Variants in PTPRQ observed in about 807,000 individuals in gnomAD.
PTPRQ encodes the protein protein tyrosine phosphatase receptor type Q, also known as phosphatidylinositol phosphatase PTPRQ.
PTPRQ carries 199 observed loss-of-function variants against 246.0 expected under a neutral mutation model. The ratio of observed to expected loss-of-function variants is 0.81; its 90% CI spans 0.72 to 0.91. The LOEUF (loss-of-function observed/expected upper bound fraction) is 0.91. PTPRQ is among the 40% of genes least tolerant of loss of function. The pLI, the probability that PTPRQ is intolerant of heterozygous loss-of-function variation, is 0.00. For synonymous variants in PTPRQ, 869 were observed against 853.2 expected, an observed-to-expected ratio of 1.02 and a Z score of -0.32; for missense variants, 2,624 against 2,528.4, an observed-to-expected ratio of 1.04 and a Z score of -0.81.
At chr12:80,654,602 C>T (rs376821343) in intron 38 of PTPRQ, among the ~76,000 whole-genome samples, 1 of 150,992 alleles carries the variant, frequency 6.6e-6, no homozygotes, top group African/African-American at 2.4e-5. Context: ...AATCCCAGCA[C>T]GTTGGGAGGC....
At chr12:80,483,967 T>C (rs1203930439) in intron 8 of PTPRQ, among the ~76,000 whole-genome samples, 1 of 146,546 alleles carries the variant, frequency 6.8e-6, no homozygotes, top group African/African-American at 2.6e-5. Context: ...TGTTTTTGTC[T>C]ATTTTCTTTC....
chr12:80,559,121 C>G (rs190818560), intron 25 of PTPRQ, among the ~76,000 whole-genome samples: 1 of 151,966 alleles, frequency 6.6e-6, no homozygotes. Flanking sequence ...CTCAGCTCAC[C>G]GGAACCTCCG....
intron 33 of PTPRQ, among the ~76,000 whole-genome samples, chr12:80,624,336 T>A (rs182258489): frequency 1.7e-3 from 255 of 152,310 alleles, no homozygotes; most frequent in African/African-American, 5.9e-3. Flanking sequence ...GTGTATTTTT[T>A]GTAGACCAGT....
intron 25 of PTPRQ, chr12:80,561,029 G>C (rs1250932211): frequency 6.5e-6 from 1 of 153,792 alleles, no homozygotes; most frequent in Non-Finnish European, 1.5e-5. Context: ...ATTGCTGGTT[G>C]GCCCTCTGCC....
chr12:80,467,269 C>T (rs1201450833), intron 6 of PTPRQ, among the ~76,000 whole-genome samples: 2 of 152,126 alleles, frequency 1.3e-5, no homozygotes, highest in East Asian at 1.9e-4. Context: ...CTCACCATCA[C>T]TGGCCATCAG....
intron 25 of PTPRQ, among the ~76,000 whole-genome samples, chr12:80,555,977 A>C (rs1458644374): frequency 6.6e-6 from 1 of 152,198 alleles, no homozygotes; most frequent in Non-Finnish European, 1.5e-5. Context: ...AACATATTTA[A>C]TATGTATAAA....
At chr12:80,473,302 A>C (rs1310117742) in intron 8 of PTPRQ, among the ~76,000 whole-genome samples, 1 of 152,160 alleles carries the variant, frequency 6.6e-6, no homozygotes, top group African/African-American at 2.4e-5. Flanking sequence ...TTTGTATTAA[A>C]ATTTTACCTT....
At chr12:80,653,802 G>A (rs1390301825) in intron 38 of PTPRQ, among the ~76,000 whole-genome samples, 1 of 152,076 alleles carries the variant, frequency 6.6e-6, no homozygotes, top group Non-Finnish European at 1.5e-5. Flanking sequence ...TGAAGTTCAC[G>A]AAGGAAACAA....
chr12:80,588,566 C>T lies in PTPRQ; in HGVS notation c.4609+114C>T. The T allele has an allele frequency of 4.4e-6, 5 of 1,129,638 alleles. No individual in the cohort carries two copies. In the South Asian group the frequency reaches 1.5e-4, roughly 33 times the overall value. The allele number at this position is 1,129,638 out of a possible 1,614,324, so 70.0% of individuals were successfully genotyped here. A position where few individuals can be genotyped will look rare whatever the true frequency, so the allele number is the denominator to read the frequency against. ...GTAAAATCACTGAACATAGAAATAACTGAGGACACTACCATATATAACGAC... is the reference window on the plus strand; with the variant it reads ...GTAAAATCACTGAACATAGAAATAATTGAGGACACTACCATATATAACGAC... On this transcript the variant is annotated intron_variant, in intron 26 of 44. Transcript: ENST00000644991.
At position 80,673,190 on chromosome 12, in the gene PTPRQ, A is replaced by C; in HGVS notation, c.6624A>C (p.Gly2208=). 1 of 1,550,840 alleles carries C rather than the reference A, an allele frequency of 6.4e-7. No homozygotes were observed. Among genetic ancestry groups the C allele is most frequent in the Non-Finnish European group, 8.7e-7 (1 of 1,146,352 alleles). ...GTAGTGCTGGAGTTGGAAGAACTGG[A>C]GTTTTTATTGCTCTGGACCATTTAA... is the stretch of plus-strand genomic sequence containing the variant. ...VHCSAGVGRT[G]VFIALDHLTQ... Residue 2208 remains glycine, a synonymous_variant, in exon 43 of 45, where the codon GGA becomes GGC. Coordinates refer to ENST00000644991, the MANE Select transcript of PTPRQ (RefSeq NM_001145026.2).
At chr12:80,628,360 A>G (rs1899285023) in intron 33 of PTPRQ, among the ~76,000 whole-genome samples, 1 of 152,176 alleles carries the variant, frequency 6.6e-6, no homozygotes, top group Non-Finnish European at 1.5e-5. Flanking sequence ...ACTCTTTTAT[A>G]TTGGTAACAT....
chr12:80,562,987 T>C (rs1896872714), intron 25 of PTPRQ, among the ~76,000 whole-genome samples: 1 of 152,114 alleles, frequency 6.6e-6, no homozygotes, highest in Non-Finnish European at 1.5e-5. Context: ...TTAAATTTTA[T>C]ATATGAGATG....
chr12:80,530,110 C>G (rs1359440792), intron 17 of PTPRQ, among the ~76,000 whole-genome samples: 2 of 152,174 alleles, frequency 1.3e-5, no homozygotes, highest in Non-Finnish European at 2.9e-5. Context: ...CCTCCCTCAA[C>G]TCCCTATCCT....
chr12:80,449,786 G>C (rs1196592250), intron 3 of PTPRQ, among the ~76,000 whole-genome samples: 1 of 152,182 alleles, frequency 6.6e-6, no homozygotes, highest in African/African-American at 2.4e-5. Flanking sequence ...TAGCCTTATA[G>C]TATAGTTTAA....
chr12:80,458,382 T>C (rs1893043198), intron 4 of PTPRQ, among the ~76,000 whole-genome samples: 1 of 152,124 alleles, frequency 6.6e-6, no homozygotes, highest in Non-Finnish European at 1.5e-5. Context: ...ATTCCTACCT[T>C]ATATCATTCA....
At chr12:80,548,168 G>A (rs1025869265) in intron 24 of PTPRQ, among the ~76,000 whole-genome samples, 2 of 151,930 alleles carry the variant, frequency 1.3e-5, no homozygotes, top group African/African-American at 2.4e-5. Context: ...AGATAAAATT[G>A]TACCCCAACA....
In PTPRQ at chr12:80,588,130, T is replaced by G. The variant is rs537753247; in HGVS notation, c.4287T>G (p.Val1429=). 9.4e-5 allele frequency: 143 copies of G among 1,513,934 alleles called. No homozygotes were observed. In the African/African-American group the frequency reaches 1.9e-3, roughly 20 times the overall value. 93.8% of individuals were successfully genotyped at this position (1,513,934 alleles called of 1,614,324 possible). A position where few individuals can be genotyped will look rare whatever the true frequency, so the allele number is the denominator to read the frequency against. Residue 1429 remains valine, a splice_region_variant and synonymous_variant, in exon 26 of 45, where the codon GTT becomes GTG. Coordinates refer to ENST00000644991, the MANE Select transcript of PTPRQ (RefSeq NM_001145026.2). The part of the protein sequence containing the change: ...TCHVSTLPET[V]PSVPTNIAFS... Reference sequence around the variant, plus strand: ...TTAATTTTTCCCTTTAATTTTTAGTTCCCAGTGTTCCCACAAATATTGCTT... The same window carrying G: ...TTAATTTTTCCCTTTAATTTTTAGTGCCCAGTGTTCCCACAAATATTGCTT...
Position 80,637,996 on chromosome 12 carries a change from A to C in PTPRQ, c.5915+2923A>C, listed in dbSNP as rs113072254. The stretch of plus-strand genomic sequence containing the variant: ...TCTACCCAGCTAATAGGCTGGGCAT[A>C]GTGGCTCATGCCTGTAATCTCAGCA... On this transcript the variant is annotated intron_variant, in intron 35 of 44. Transcript: ENST00000644991. Among the ~76,000 whole-genome samples the C allele has an allele frequency of 2.3e-3, 350 of 152,160 alleles. 2 individuals carry two copies. The highest frequency in any genetic ancestry group is 8.1e-3 in the African/African-American group (338 of 41,510).
intron 26 of PTPRQ, among the ~76,000 whole-genome samples, chr12:80,593,962 G>A (rs1319988851): frequency 1.3e-5 from 2 of 151,454 alleles, no homozygotes; most frequent in African/African-American, 4.9e-5. Flanking sequence ...GTAACACTTA[G>A]GTTGGGAAAA....
Sources: gnomAD v4.1 joint callset for allele counts (sites outside exome capture counted in the v4.1 genomes callset) on GRCh38, gnomAD v4.1.1 for gene constraint, MANE v1.5 for transcripts, NCBI Gene and HGNC (gene_info 2026-07-23, HGNC 2026-07-21) for gene names.